SDK1: variants seen among roughly 807,000 people sequenced by gnomAD.
The protein encoded by SDK1 is protein sidekick-1.
SDK1 carries 157 observed loss-of-function variants against 245.5 expected under a neutral mutation model. The observed-to-expected ratio is 0.64, with a 90% confidence interval of 0.56 to 0.73. SDK1 has a LOEUF of 0.73. SDK1 is among the 30% of genes least tolerant of loss of function. The pLI, the probability that SDK1 is intolerant of heterozygous loss-of-function variation, is 0.00. For synonymous variants in SDK1, 1,647 were observed against 1,278.5 expected, an observed-to-expected ratio of 1.29 and a Z score of -6.15; for missense variants, 3,583 against 3,002.3, an observed-to-expected ratio of 1.19 and a Z score of -4.52.
rs567105461 is a variant in SDK1, at chr7:4,079,093, G to A, written c.3203-370G>A. Among the ~76,000 whole-genome samples the A allele has an allele frequency of 4.6e-5, 7 of 152,336 alleles. No homozygotes were observed. In the East Asian group the frequency reaches 1.4e-3, roughly 29 times the overall value. ...GAAGTACGGCCCGCTCGTTCTCTGT[G>A]TGGTTTGAGGAGCCAGGAAGAATTA... is the stretch of plus-strand genomic sequence containing the variant. On this transcript the variant is annotated intron_variant, in intron 21 of 44. Coordinates refer to ENST00000404826, the MANE Select transcript of SDK1 (RefSeq NM_152744.4).
At chr7:4,158,346 C>A in intron 30 of SDK1, 102 bp from the exon 31 acceptor site, 2 of 889,694 alleles carry the variant, frequency 2.2e-6, no homozygotes, top group Admixed American at 2.1e-5. Flanking sequence ...GCTCTCAGGG[C>A]AGGGGAGGGA....
chr7:3,891,594 G>A (rs1352469971), intron 5 of SDK1, among the ~76,000 whole-genome samples: 1 of 152,136 alleles, frequency 6.6e-6, no homozygotes. Context: ...TTTCGTGCAT[G>A]TCCTCCTTTC....
intron 38 of SDK1, among the ~76,000 whole-genome samples, chr7:4,214,069 A>T (rs1274235974): frequency 1.3e-5 from 2 of 152,146 alleles, no homozygotes; most frequent in East Asian, 3.9e-4. Flanking sequence ...CTCCTCCCGC[A>T]GACAGAGAGA....
intron 22 of SDK1, among the ~76,000 whole-genome samples, chr7:4,083,730 CTCCA>C (rs373497555): frequency 0.27 from 357 of 1,308 alleles, 143 homozygotes; most frequent in Middle Eastern, 0.5. Flanking sequence ...TCTTTACTTC[CTCCA>C]TCCCTCCCTT....
chr7:4,174,416 T>C, intron 33 of SDK1, 59 bp downstream of exon 33: 1 of 1,537,838 alleles, frequency 6.5e-7, no homozygotes, highest in Non-Finnish European at 9.0e-7. Flanking sequence ...ACCCTTGGTA[T>C]CTGCTCAGTG....
chr7:3,657,526 AC>A (rs1783224931), intron 4 of SDK1, among the ~76,000 whole-genome samples: 1 of 152,066 alleles, frequency 6.6e-6, no homozygotes, highest in South Asian at 2.1e-4. Context: ...AGGAAGAGGG[AC>A]TGTGAGAGCC....
chr7:3,312,230 A>G (rs970762321), intron 1 of SDK1, among the ~76,000 whole-genome samples: 1 of 152,186 alleles, frequency 6.6e-6, no homozygotes, highest in African/African-American at 2.4e-5. Flanking sequence ...CTGGTCTAGA[A>G]CTATGGAAAT....
chr7:3,723,855 CATATACACGTGT>C (rs1399436315), intron 4 of SDK1, among the ~76,000 whole-genome samples: 1 of 140,592 alleles, frequency 7.1e-6, no homozygotes, highest in Non-Finnish European at 1.5e-5. Context: ...CGTACATATA[CATATACACGTGT>C]ATATACACGT....
rs1196230062 is a variant in SDK1 at position 3,608,082 on chromosome 7, T to C, written c.299-10998T>C. On this transcript the variant is annotated intron_variant, in intron 1 of 44. Transcript: ENST00000404826. ...CACCTGAGCGCGTATCCCGAGGCAGTGGTGCCAAACTACACCAGCTGGTGT... is the reference window on the plus strand; with the variant it reads ...CACCTGAGCGCGTATCCCGAGGCAGCGGTGCCAAACTACACCAGCTGGTGT... Among the ~76,000 whole-genome samples, 3 of 152,194 alleles carry C rather than the reference T, an allele frequency of 2.0e-5. No homozygotes were observed. In the East Asian group the frequency reaches 5.8e-4, roughly 29 times the overall value.
intron 25 of SDK1, among the ~76,000 whole-genome samples, chr7:4,120,619 T>A (rs1023095075): frequency 6.8e-6 from 1 of 146,458 alleles, no homozygotes; most frequent in African/African-American, 2.5e-5. Flanking sequence ...ATTTTTCAAA[T>A]AATACTCTTT....
intron 21 of SDK1, among the ~76,000 whole-genome samples, chr7:4,079,054 G>A (rs1175688147): frequency 1.3e-5 from 2 of 152,196 alleles, no homozygotes; most frequent in Admixed American, 6.5e-5. Context: ...CCGAGGCCGC[G>A]GTAATTATGA....
chr7:3,657,161 G>C (rs755466862), intron 4 of SDK1, among the ~76,000 whole-genome samples: 93 of 152,314 alleles, frequency 6.1e-4, no homozygotes, highest in Non-Finnish European at 1.0e-3. Flanking sequence ...GTCAAGAAGA[G>C]TCACAGGGTG....
At chr7:3,663,739 C>G (rs986227574) in intron 4 of SDK1, among the ~76,000 whole-genome samples, 1 of 152,098 alleles carries the variant, frequency 6.6e-6, no homozygotes, top group South Asian at 2.1e-4. Flanking sequence ...ACTTGCCACA[C>G]TAGAATTATG....
chr7:3,466,540 C>A (rs183439351), intron 1 of SDK1, among the ~76,000 whole-genome samples: 1 of 149,876 alleles, frequency 6.7e-6, no homozygotes, highest in African/African-American at 2.5e-5. Context: ...CTCAGCCTTG[C>A]ACTGCTTCTG....
In SDK1 at chr7:4,175,836, T is replaced by C. The variant is rs1258168946; in HGVS notation, c.4996+2T>C. On this transcript the variant is annotated splice_donor_variant, in intron 34 of 44. Transcript: ENST00000404826. LOFTEE classifies it high-confidence loss of function. ...CATCGACGATGTGTGAACTAACACG[T>C]AAGTGCGCTCTCAGCGGGAGGCCCA... 8 of 1,612,664 alleles carry C rather than the reference T, an allele frequency of 5.0e-6. No individual in the cohort carries two copies. The highest frequency in any genetic ancestry group is 1.3e-5 in the African/African-American group (1 of 74,916).
At chr7:4,221,177 G>C (rs956456296) in intron 39 of SDK1, 62 bp from the exon 40 acceptor site, 2 of 1,592,966 alleles carry the variant, frequency 1.3e-6, no homozygotes, top group Non-Finnish European at 1.7e-6. Context: ...GAAATCTCAC[G>C]GGGTGGGATG....
At chr7:4,193,295 C>CATATAAAAATATTAATATATTTATACAAT (rs1349956338) in intron 35 of SDK1, among the ~76,000 whole-genome samples, 1 of 127,450 alleles carries the variant, frequency 7.8e-6, no homozygotes, top group African/African-American at 3.1e-5. Flanking sequence ...TATAAAATTA[C>CATATAAAAATATTAATATATTTATACAAT]ATATAAAAAT....
chr7:3,720,145 A>T (rs1025887781), intron 4 of SDK1, among the ~76,000 whole-genome samples: 2 of 151,918 alleles, frequency 1.3e-5, no homozygotes, highest in African/African-American at 4.8e-5. Context: ...AAAACCAGCC[A>T]CTCGGGAGGC....
At chr7:4,161,570 G>T (rs373126473) in intron 31 of SDK1, among the ~76,000 whole-genome samples, 2 of 152,136 alleles carry the variant, frequency 1.3e-5, no homozygotes, top group Non-Finnish European at 2.9e-5. Flanking sequence ...TCTGTTTCTC[G>T]GGGCCATTGT....
Sources: allele counts gnomAD v4.1 joint callset (sites outside exome capture counted in the v4.1 genomes callset), GRCh38; gene constraint gnomAD v4.1.1; transcripts MANE v1.5; gene names NCBI Gene and HGNC (gene_info 2026-07-23, HGNC 2026-07-21).